ICMT: variants seen among roughly 807,000 people sequenced by gnomAD.
ICMT encodes the protein isoprenylcysteine carboxyl methyltransferase.
ICMT carries 10 observed loss-of-function variants against 32.2 expected under a neutral mutation model. That is an observed-to-expected ratio of 0.31 (90% CI 0.19 to 0.53). ICMT has a LOEUF of 0.53. ICMT is among the 20% of genes least tolerant of loss of function. The pLI, the probability that ICMT is intolerant of heterozygous loss-of-function variation, is 0.96. For missense variants in ICMT, 265 were observed against 356.9 expected (o/e 0.74, Z 2.07); for synonymous variants, 183 against 158.2 (o/e 1.16, Z -1.18).
At position 6,223,236 on chromosome 1, in the gene ICMT, T is replaced by G. The variant is rs1282788286; in HGVS notation, c.*1844A>C. ...GATTCTCCTGTCTCAGCCTCCTGAG[T>G]AGCTGGGATTACAGGCACCCGCCAG... is the stretch of plus-strand genomic sequence containing the variant. On this transcript the variant is annotated 3_prime_UTR_variant, in exon 5 of 5. Coordinates refer to ENST00000343813, the MANE Select transcript of ICMT (RefSeq NM_012405.4). 1 of 152,202 alleles carries G rather than the reference T, an allele frequency of 6.6e-6. No individual in the cohort carries two copies. Among genetic ancestry groups the G allele is most frequent in the Non-Finnish European group, 1.5e-5 (1 of 68,064 alleles). 9.4% of individuals were successfully genotyped at this position (152,202 alleles called of 1,614,324 possible).
rs1475886839 is a variant in ICMT at position 6,221,496 on chromosome 1, G to A, written c.*3584C>T. Reference sequence around the variant, plus strand: ...CAAACCACTACAAAAGCAAACTAGGGTGGGCAAGCCCAACTACCTAAGGCA... The same window carrying A: ...CAAACCACTACAAAAGCAAACTAGGATGGGCAAGCCCAACTACCTAAGGCA... On this transcript the variant is annotated 3_prime_UTR_variant, in exon 5 of 5. Transcript: ENST00000343813. The A allele has an allele frequency of 2.0e-5, 3 of 152,662 alleles. No homozygotes were observed. The highest frequency in any genetic ancestry group is 4.4e-5 in the Non-Finnish European group (3 of 68,076). The allele number at this position is 152,662 out of a possible 1,614,324, so 9.5% of individuals were successfully genotyped here. A position where few individuals can be genotyped will look rare whatever the true frequency, so the allele number is the denominator to read the frequency against.
In ICMT at chr1:6,224,808, T is replaced by TATCATTAAAA; in HGVS notation, c.*271_*272insTTTTAATGAT. Reference sequence around the variant, plus strand: ...GCGTGTGGCCTCGGTCCTCCCCAGGTAACTCTGGAGGGCGCTGTGGAATAT... The same window carrying TATCATTAAAA: ...GCGTGTGGCCTCGGTCCTCCCCAGGTATCATTAAAAAACTCTGGAGGGCGCTGTGGAATAT... On this transcript the variant is annotated 3_prime_UTR_variant, in exon 5 of 5. Transcript: ENST00000343813. 6 of 385,750 alleles carry TATCATTAAAA rather than the reference T, an allele frequency of 1.6e-5. No homozygotes were observed. Among genetic ancestry groups the TATCATTAAAA allele is most frequent in the South Asian group, 9.1e-5 (2 of 21,928 alleles). The allele number at this position is 385,750 out of a possible 1,614,324, so 23.9% of individuals were successfully genotyped here.
At chr1:6,231,733 A>G (rs1265894353) in intron 4 of ICMT, among the ~76,000 whole-genome samples, 169 bp downstream of exon 4, 1 of 152,142 alleles carries the variant, frequency 6.6e-6, no homozygotes, top group Non-Finnish European at 1.5e-5. Flanking sequence ...GAAACGCGCC[A>G]AGAAGAACAT....
intron 4 of ICMT, among the ~76,000 whole-genome samples, chr1:6,226,529 A>G (rs1231852856): frequency 1.3e-5 from 2 of 152,028 alleles, no homozygotes; most frequent in Non-Finnish European, 2.9e-5. Flanking sequence ...ATCTTCCCCA[A>G]CATACATTTT....
At chr1:6,225,376 CCGTCAG>C in intron 4 of ICMT, 114 bp from the exon 5 acceptor site, 1 of 979,668 alleles carries the variant, frequency 1.0e-6, no homozygotes, top group Non-Finnish European at 1.5e-6. Flanking sequence ...CCTGCTGAGA[CCGTCAG>C]GGTCTCTGGG....
chr1:6,226,519 A>G (rs941184787), intron 4 of ICMT, among the ~76,000 whole-genome samples: 3 of 152,084 alleles, frequency 2.0e-5, no homozygotes, highest in Non-Finnish European at 2.9e-5. Flanking sequence ...GTGGATGTGC[A>G]TCTTCCCCAA....
rs1406202386 is a variant in ICMT, at chr1:6,232,132, G to A, written c.455-13C>T. The A allele has an allele frequency of 6.3e-7, 1 of 1,598,282 alleles. No individual in the cohort carries two copies. The highest frequency in any genetic ancestry group is 1.3e-5 in the African/African-American group (1 of 74,604). ...ATCTGCTTCAGTTCTGTGGGAGAGA[G>A]ACATCAACGACACACGGGGAGTGAA... On this transcript the variant is annotated splice_polypyrimidine_tract_variant and intron_variant, in intron 3 of 4. Transcript: ENST00000343813.
chr1:6,231,871 AAG>A, intron 4 of ICMT, 29 bp downstream of exon 4: 3 of 1,364,950 alleles, frequency 2.2e-6, no homozygotes, highest in South Asian at 1.5e-5. Context: ...AAAAAAAAAA[AAG>A]AAAAGCAGTG....
At chr1:6,234,213 T>C (rs1018477329) in intron 2 of ICMT, among the ~76,000 whole-genome samples, 1 of 152,126 alleles carries the variant, frequency 6.6e-6, no homozygotes, top group Non-Finnish European at 1.5e-5. Flanking sequence ...AACAAACCCA[T>C]AGGTCACAGA....
Position 6,235,741 on chromosome 1 carries a change from C to T in ICMT, c.171G>A (p.Leu57=). Residue 57 remains leucine, a synonymous_variant, in exon 1 of 5, where the codon CTG becomes CTA. Coordinates refer to ENST00000343813, the MANE Select transcript of ICMT (RefSeq NM_012405.4). ...CCTGGTAGCGAGGCGGCCGATAGAG[C>T]AGCAGCAGCAGCGCGTTGAGCCCGG... ...YVAGLNALLL[L]LYRPPRYQIA... The T allele has an allele frequency of 1.5e-6, 2 of 1,311,794 alleles. No individual in the cohort carries two copies. Among genetic ancestry groups the T allele is most frequent in the South Asian group, 1.7e-5 (1 of 60,504 alleles). The allele number at this position is 1,311,794 out of a possible 1,614,324, so 81.3% of individuals were successfully genotyped here. A position where few individuals can be genotyped will look rare whatever the true frequency, so the allele number is the denominator to read the frequency against.
In ICMT at chr1:6,224,703, G is replaced by C. The variant is rs1668616365; in HGVS notation, c.*377C>G. ...GTACCTGCTACCCCTTTCTGCTGTG[G>C]AGTGTTGCTGAGGACAGAGTCCATC... On this transcript the variant is annotated 3_prime_UTR_variant, in exon 5 of 5. Transcript: ENST00000343813. 5.4e-6 allele frequency: 1 copy of C among 185,500 alleles called. No homozygotes were observed. The highest frequency in any genetic ancestry group is 1.4e-4 in the East Asian group (1 of 6,920). The allele number at this position is 185,500 out of a possible 1,614,324, so 11.5% of individuals were successfully genotyped here. A position where few individuals can be genotyped will look rare whatever the true frequency, so the allele number is the denominator to read the frequency against.
chr1:6,233,395 G>A lies in ICMT; in HGVS notation c.454+79C>T, dbSNP rs2100968862. On this transcript the variant is annotated intron_variant, in intron 3 of 4. Coordinates refer to ENST00000343813, the MANE Select transcript of ICMT (RefSeq NM_012405.4). ...CGCTTGGGGGAGATTAGACCTGAAA[G>A]GTGAATCAATGTCACTGTCCTCAGC... 3.8e-6 allele frequency: 5 copies of A among 1,328,906 alleles called. No individual in the cohort carries two copies. In the South Asian group the frequency reaches 6.9e-5, roughly 18 times the overall value. The allele number at this position is 1,328,906 out of a possible 1,614,324, so 82.3% of individuals were successfully genotyped here.
chr1:6,227,947 T>G (rs1668670915), intron 4 of ICMT, among the ~76,000 whole-genome samples: 1 of 151,996 alleles, frequency 6.6e-6, no homozygotes, highest in Non-Finnish European at 1.5e-5. Context: ...GTGAGAGGAC[T>G]GCTTGAGCCC....
At chr1:6,231,396 C>T (rs1028065460) in intron 4 of ICMT, among the ~76,000 whole-genome samples, 2 of 152,166 alleles carry the variant, frequency 1.3e-5, no homozygotes, top group Non-Finnish European at 2.9e-5. Flanking sequence ...TGCTTCAGAT[C>T]TATTAATAGG....
intron 4 of ICMT, 70 bp downstream of exon 4, chr1:6,231,832 G>A (rs890753471): frequency 1.1e-5 from 11 of 974,626 alleles, no homozygotes; most frequent in South Asian, 7.4e-5. Flanking sequence ...TTTATGCTAC[G>A]TGAATATCAC....
intron 4 of ICMT, among the ~76,000 whole-genome samples, chr1:6,227,119 G>C (rs1668656728): frequency 6.6e-6 from 1 of 152,210 alleles, no homozygotes; most frequent in Admixed American, 6.5e-5. Flanking sequence ...GTAAGTGTAA[G>C]TATTATATCA....
intron 2 of ICMT, chr1:6,234,338 G>A (rs1173047866): frequency 5.1e-6 from 2 of 389,202 alleles, no homozygotes; most frequent in Non-Finnish European, 1.0e-5. Context: ...TAACAAAACT[G>A]AAATAATTCC....
In ICMT at chr1:6,235,458, A is replaced by C. The variant is rs571771908; in HGVS notation, c.195+259T>G. 3.9e-3 allele frequency among the ~76,000 whole-genome samples: 587 copies of C among 152,270 alleles called. 3 individuals are homozygous for C. The highest frequency in any genetic ancestry group is 6.2e-3 in the Non-Finnish European group (422 of 68,006). The stretch of plus-strand genomic sequence containing the variant: ...GGTAGGTCTCTGCACCTTAAGTTAC[A>C]TAAAAGCACTCGCGGGCTCGCTCAC... On this transcript the variant is annotated intron_variant, in intron 1 of 4. Coordinates refer to ENST00000343813, the MANE Select transcript of ICMT (RefSeq NM_012405.4).
rs1557600158 is a variant in ICMT, at chr1:6,224,817, AG to A, written c.*262del. 4.9e-6 allele frequency: 2 copies of A among 410,682 alleles called. No homozygotes were observed. The highest frequency in any genetic ancestry group is 8.7e-6 in the Non-Finnish European group (2 of 230,432). 25.4% of individuals were successfully genotyped at this position (410,682 alleles called of 1,614,324 possible). A position where few individuals can be genotyped will look rare whatever the true frequency, so the allele number is the denominator to read the frequency against. ...CTCGGTCCTCCCCAGGTAACTCTGG[AG>A]GGCGCTGTGGAATATTGCTGTGATT... is the stretch of plus-strand genomic sequence containing the variant. On this transcript the variant is annotated 3_prime_UTR_variant, in exon 5 of 5. Transcript: ENST00000343813.
Sources: gnomAD v4.1 joint callset for allele counts (sites outside exome capture counted in the v4.1 genomes callset) on GRCh38, gnomAD v4.1.1 for gene constraint, MANE v1.5 for transcripts, NCBI Gene and HGNC (gene_info 2026-07-23, HGNC 2026-07-21) for gene names.